BANK1: variants seen among roughly 807,000 people sequenced by gnomAD.
BANK1 encodes the protein B-cell scaffold protein with ankyrin repeats.
Under a neutral mutation model 94.5 loss-of-function variants are expected in BANK1, and 95 were observed. The observed-to-expected ratio is 1.00, with a 90% CI of 0.85 to 1.19. The LOEUF (loss-of-function observed/expected upper bound fraction) is 1.19. Ranked by LOEUF, BANK1 falls within the 50% of genes most tolerant of loss-of-function variation. The probability of loss-of-function intolerance (pLI) is 0.00; values close to 1 mark genes in which losing one functional copy is unlikely to be tolerated. For missense variants in BANK1, 987 were observed against 932.2 expected (o/e 1.06, Z -0.77); for synonymous variants, 334 against 308.4 (o/e 1.08, Z -0.87).
At chr4:102,043,227 T>C (rs1351497374) in intron 10 of BANK1, among the ~76,000 whole-genome samples, 1 of 151,986 alleles carries the variant, frequency 6.6e-6, no homozygotes, top group Non-Finnish European at 1.5e-5. Context: ...ACTTTATCTT[T>C]CATCTGCAAA....
chr4:102,031,074 T>C (rs945598786), intron 10 of BANK1, among the ~76,000 whole-genome samples: 12 of 152,216 alleles, frequency 7.9e-5, no homozygotes, highest in African/African-American at 2.4e-4. Flanking sequence ...AAAGCATCCC[T>C]GTTTCTCCAC....
At chr4:101,990,397 T>C (rs1009345538) in intron 7 of BANK1, among the ~76,000 whole-genome samples, 3 of 152,224 alleles carry the variant, frequency 2.0e-5, no homozygotes, top group African/African-American at 7.2e-5. Flanking sequence ...GCAAATCTAA[T>C]AAACAAGAAG....
At chr4:101,825,686 A>G (rs953448341) in intron 1 of BANK1, among the ~76,000 whole-genome samples, 3 of 152,074 alleles carry the variant, frequency 2.0e-5, no homozygotes, top group African/African-American at 7.2e-5. Flanking sequence ...TGCCTGGTAC[A>G]TAGAAAGTCT....
intron 2 of BANK1, among the ~76,000 whole-genome samples, chr4:101,846,360 T>G (rs12500743): frequency 0.085 from 12,988 of 152,252 alleles, 728 homozygotes; most frequent in Admixed American, 0.19. Context: ...AATTTTGTGT[T>G]TTTGATTCCA....
chr4:102,058,199 GC>G (rs1382439865), intron 11 of BANK1, among the ~76,000 whole-genome samples: 1 of 151,988 alleles, frequency 6.6e-6, no homozygotes, highest in Non-Finnish European at 1.5e-5. Flanking sequence ...TTAATGAAAA[GC>G]CCAATTTACA....
chr4:102,034,889 T>C (rs1006899522), intron 10 of BANK1, among the ~76,000 whole-genome samples: 1 of 152,214 alleles, frequency 6.6e-6, no homozygotes, highest in Non-Finnish European at 1.5e-5. Flanking sequence ...ATCACTGATA[T>C]ATTTATTCCT....
intron 11 of BANK1, among the ~76,000 whole-genome samples, chr4:102,050,040 A>C (rs1727996223): frequency 6.6e-6 from 1 of 152,210 alleles, no homozygotes; most frequent in Non-Finnish European, 1.5e-5. Context: ...TAACCATACC[A>C]ATGTTTAAAA....
chr4:101,955,866 T>C (rs1441238779), intron 7 of BANK1, among the ~76,000 whole-genome samples: 2 of 152,234 alleles, frequency 1.3e-5, no homozygotes, highest in Non-Finnish European at 2.9e-5. Context: ...CACTGTTTTT[T>C]ACTCTGTAAA....
At chr4:101,839,362 G>A (rs557292799) in intron 2 of BANK1, among the ~76,000 whole-genome samples, 2 of 152,072 alleles carry the variant, frequency 1.3e-5, no homozygotes, top group Non-Finnish European at 2.9e-5. Flanking sequence ...TTGACAGTAA[G>A]AGAAATATTA....
chr4:102,011,291 C>T (rs1339120173), intron 7 of BANK1, among the ~76,000 whole-genome samples: 1 of 152,152 alleles, frequency 6.6e-6, no homozygotes, highest in African/African-American at 2.4e-5. Context: ...TCAGATACTC[C>T]CTGATTTCGA....
intron 2 of BANK1, among the ~76,000 whole-genome samples, chr4:101,843,662 A>G (rs1362823905): frequency 6.6e-6 from 1 of 152,138 alleles, no homozygotes; most frequent in East Asian, 1.9e-4. Context: ...CATGCCTGTA[A>G]TCCCAGCACT....
chr4:101,895,921 G>A (rs1181801680), intron 6 of BANK1, among the ~76,000 whole-genome samples: 1 of 151,790 alleles, frequency 6.6e-6, no homozygotes, highest in Non-Finnish European at 1.5e-5. Flanking sequence ...AAAAAAGTAC[G>A]TGTACATTTA....
intron 2 of BANK1, among the ~76,000 whole-genome samples, chr4:101,849,632 ATG>A (rs1727397638): frequency 2.0e-5 from 3 of 152,130 alleles, no homozygotes; most frequent in East Asian, 1.9e-4. Flanking sequence ...AAAAAAATTT[ATG>A]TGTGTGTATA....
At chr4:101,934,442 C>T (rs1056590567) in intron 7 of BANK1, among the ~76,000 whole-genome samples, 6 of 151,386 alleles carry the variant, frequency 4.0e-5, no homozygotes, top group African/African-American at 1.2e-4. Context: ...AGGAGAAACT[C>T]TTCATCCCTT....
At chr4:102,043,686 A>G (rs1727777822) in intron 10 of BANK1, among the ~76,000 whole-genome samples, 153 bp from the exon 11 acceptor site, 1 of 152,084 alleles carries the variant, frequency 6.6e-6, no homozygotes, top group Non-Finnish European at 1.5e-5. Flanking sequence ...AGAAAATTGT[A>G]AATTTGATAA....
intron 7 of BANK1, among the ~76,000 whole-genome samples, chr4:101,986,880 T>C (rs1222632336): frequency 2.2e-5 from 2 of 91,698 alleles, no homozygotes; most frequent in Non-Finnish European, 4.1e-5. Context: ...TGTATGTGTG[T>C]GTGTGTGTGT....
Position 101,945,935 on chromosome 4 carries a change from T to C in BANK1, c.1206+27746T>C, listed in dbSNP as rs144138322. ...ACAAAATTGGCAAAAATACAACTTATATTAGTGAGAGGGGGCTACGTTTAT... is the reference window on the plus strand; with the variant it reads ...ACAAAATTGGCAAAAATACAACTTACATTAGTGAGAGGGGGCTACGTTTAT... On this transcript the variant is annotated intron_variant, in intron 7 of 16. Coordinates refer to ENST00000322953, the MANE Select transcript of BANK1 (RefSeq NM_017935.5). Among the ~76,000 whole-genome samples the C allele has an allele frequency of 4.5e-4, 68 of 152,066 alleles. 1 individual carries two copies. The highest frequency in any genetic ancestry group is 6.8e-3 in the Middle Eastern group (2 of 294).
intron 7 of BANK1, among the ~76,000 whole-genome samples, chr4:101,996,109 G>A (rs917034628): frequency 2.0e-5 from 3 of 152,152 alleles, no homozygotes; most frequent in African/African-American, 4.8e-5. Context: ...TTTGTATAAG[G>A]TGTAAGGAAG....
rs138432481 is a variant in BANK1, at chr4:101,957,970, G to A, written c.1206+39781G>A. On this transcript the variant is annotated intron_variant, in intron 7 of 16. Coordinates refer to ENST00000322953, the MANE Select transcript of BANK1 (RefSeq NM_017935.5). ...CACCATTCTCCTGCCTCAGCCTCCC[G>A]AGTAGCTGGGACTATAGGTGCCTGC... Among the ~76,000 whole-genome samples the A allele has an allele frequency of 7.0e-3, 1,058 of 150,570 alleles. 4 individuals are homozygous for A. The highest frequency in any genetic ancestry group is 0.011 in the Admixed American group (166 of 15,044).
Sources: allele counts gnomAD v4.1 joint callset (sites outside exome capture counted in the v4.1 genomes callset), GRCh38; gene constraint gnomAD v4.1.1; transcripts MANE v1.5; gene names NCBI Gene and HGNC (gene_info 2026-07-23, HGNC 2026-07-21).